Variants in QTMAN observed in about 807,000 individuals in gnomAD.
QTMAN encodes the protein queuosine-tRNA mannosyltransferase, also known as tRNA-queuosine alpha-mannosyltransferase.
chr2:144,133,115 T>TATATTTATATTTATATATA, the QTMAN span, among the ~76,000 whole-genome samples: 2 of 8,954 alleles, frequency 2.2e-4, no homozygotes, highest in African/African-American at 1.1e-3. Flanking sequence ...GAATGACTGG[T>TATATTTATATTTATATATA]AATATATATA....
chr2:144,212,591 T>C, the QTMAN span, among the ~76,000 whole-genome samples: 2 of 152,188 alleles, frequency 1.3e-5, no homozygotes, highest in Admixed American at 6.5e-5. Context: ...ACCCATGTCC[T>C]TTCTGCATGG....
the QTMAN span, among the ~76,000 whole-genome samples, chr2:144,046,450 A>C: frequency 6.6e-6 from 1 of 152,144 alleles, no homozygotes; most frequent in Non-Finnish European, 1.5e-5. Context: ...CAGTGGTGTG[A>C]TCAGAGCTCA....
the QTMAN span, chr2:143,957,115 T>C: frequency 9.1e-7 from 1 of 1,101,312 alleles, no homozygotes; most frequent in Non-Finnish European, 1.3e-6. Context: ...TTTAATGTAT[T>C]ATTTGAAATA....
the QTMAN span, among the ~76,000 whole-genome samples, chr2:144,241,645 A>C: frequency 6.6e-6 from 1 of 152,008 alleles, no homozygotes; most frequent in Non-Finnish European, 1.5e-5. Flanking sequence ...TTTCTTTTTT[A>C]TTCTTCTTTC....
chr2:144,050,062 AAAT>A, the QTMAN span, among the ~76,000 whole-genome samples: 1 of 152,172 alleles, frequency 6.6e-6, no homozygotes, highest in East Asian at 1.9e-4. Flanking sequence ...TTTTATTATC[AAAT>A]AATAATACCT....
the QTMAN span, among the ~76,000 whole-genome samples, chr2:144,003,581 A>G: frequency 6.6e-6 from 1 of 151,962 alleles, no homozygotes; most frequent in Non-Finnish European, 1.5e-5. Flanking sequence ...GAACCCAGCA[A>G]CTCTGCTAAA....
At chr2:144,315,132 G>A in the QTMAN span, among the ~76,000 whole-genome samples, 1 of 152,108 alleles carries the variant, frequency 6.6e-6, no homozygotes, top group Non-Finnish European at 1.5e-5. Flanking sequence ...TAATCCACCC[G>A]CTTCAGCCTC....
At chr2:144,188,043 C>G in the QTMAN span, among the ~76,000 whole-genome samples, 1 of 150,960 alleles carries the variant, frequency 6.6e-6, no homozygotes, top group Non-Finnish European at 1.5e-5. Flanking sequence ...CAGAAAGAGG[C>G]AAGGAAGGAT....
At chr2:144,258,212 A>T in the QTMAN span, among the ~76,000 whole-genome samples, 1 of 151,208 alleles carries the variant, frequency 6.6e-6, no homozygotes, top group African/African-American at 2.4e-5. Context: ...TACATACTTA[A>T]CATTCTTGCA....
chr2:144,022,633 G>A, the QTMAN span, among the ~76,000 whole-genome samples: 23 of 135,110 alleles, frequency 1.7e-4, no homozygotes, highest in Middle Eastern at 4.4e-3. Flanking sequence ...GCACGATCTC[G>A]GCTCATTGCA....
the QTMAN span, among the ~76,000 whole-genome samples, chr2:144,163,338 C>T: frequency 2.0e-5 from 3 of 151,526 alleles, no homozygotes; most frequent in South Asian, 2.1e-4. Flanking sequence ...AGTAAGCATG[C>T]CTATTACCTT....
At chr2:144,310,283 T>TG in the QTMAN span, among the ~76,000 whole-genome samples, 14 of 151,888 alleles carry the variant, frequency 9.2e-5, no homozygotes, top group Non-Finnish European at 1.5e-4. Context: ...CAAACAGGAA[T>TG]GGGGGGTAGT....
chr2:144,156,273 C>T, the QTMAN span, among the ~76,000 whole-genome samples: 2 of 152,046 alleles, frequency 1.3e-5, no homozygotes, highest in Non-Finnish European at 2.9e-5. Flanking sequence ...TGGAGAAATA[C>T]CTCCCCACAA....
At chr2:143,952,952 G>A in the QTMAN span, 4 of 689,544 alleles carry the variant, frequency 5.8e-6, no homozygotes, top group Non-Finnish European at 1.0e-5. Context: ...AGAGTTAACT[G>A]GGACAAAAAA....
At chr2:144,036,758 G>T in the QTMAN span, among the ~76,000 whole-genome samples, 1 of 152,116 alleles carries the variant, frequency 6.6e-6, no homozygotes, top group Non-Finnish European at 1.5e-5. Flanking sequence ...CATTCCTGTG[G>T]TGCTCCTGTT....
At chr2:144,160,253 A>C in the QTMAN span, among the ~76,000 whole-genome samples, 2 of 152,260 alleles carry the variant, frequency 1.3e-5, no homozygotes, top group Non-Finnish European at 2.9e-5. Flanking sequence ...CTATTTAGTA[A>C]ATCTTAAGTT....
the QTMAN span, among the ~76,000 whole-genome samples, chr2:144,217,019 T>C: frequency 6.6e-6 from 1 of 152,146 alleles, no homozygotes. Flanking sequence ...TTATAAAAGT[T>C]TGACAAGATG....
At chr2:143,973,761 C>T in the QTMAN span, among the ~76,000 whole-genome samples, 3 of 150,586 alleles carry the variant, frequency 2.0e-5, no homozygotes, top group African/African-American at 4.9e-5. Flanking sequence ...TGCACTCCAG[C>T]CTGGGCGACA....
At chr2:144,046,913 T>C in the QTMAN span, among the ~76,000 whole-genome samples, 1 of 152,220 alleles carries the variant, frequency 6.6e-6, no homozygotes, top group Non-Finnish European at 1.5e-5. Context: ...TCTGGACTCA[T>C]CTTGCTTATG....
Sources: gnomAD v4.1 joint callset for allele counts (sites outside exome capture counted in the v4.1 genomes callset) on GRCh38, gnomAD v4.1.1 for gene constraint, MANE v1.5 for transcripts, NCBI Gene and HGNC (gene_info 2026-07-23, HGNC 2026-07-21) for gene names.